The following ARMC2 variants were observed in gnomAD, a reference collection of about 807,000 sequenced individuals.
ARMC2 encodes the protein armadillo repeat containing 2.
In ARMC2, 67 loss-of-function variants were observed where a neutral mutation model predicts 90.3. The observed-to-expected ratio is 0.74, with a 90% CI of 0.61 to 0.91. ARMC2 has a LOEUF of 0.91. Among genes scored for constraint, ARMC2 ranks in the 40% least tolerant of loss-of-function variants. The pLI is 0.00. For synonymous variants in ARMC2, 393 were observed against 393.0 expected (o/e 1.00, Z 0.00); for missense variants, 920 against 1,030.9 (o/e 0.89, Z 1.47).
intron 5 of ARMC2, among the ~76,000 whole-genome samples, chr6:108,890,223 A>AAAAAAAAAAAAAC (rs1770861228): frequency 8.3e-6 from 1 of 120,640 alleles, no homozygotes; most frequent in African/African-American, 3.2e-5. Context: ...AAAAAAAAAA[A>AAAAAAAAAAAAAC]AAAAAACAGT....
chr6:108,962,688 T>G (rs1338170234), intron 15 of ARMC2, among the ~76,000 whole-genome samples: 2 of 152,228 alleles, frequency 1.3e-5, no homozygotes, highest in Non-Finnish European at 2.9e-5. Flanking sequence ...AAATAGTAAT[T>G]GGAAATAGTA....
At chr6:108,855,718 C>T (rs1774514191) in intron 2 of ARMC2, among the ~76,000 whole-genome samples, 1 of 152,224 alleles carries the variant, frequency 6.6e-6, no homozygotes, top group Admixed American at 6.5e-5. Context: ...ACATCCTAGC[C>T]AGCATTGACA....
chr6:108,958,661 G>A lies in ARMC2; in HGVS notation c.1916-2911G>A, dbSNP rs551761913. On this transcript the variant is annotated intron_variant, in intron 13 of 17. Transcript: ENST00000392644. ...TCTGGGGCTGGAGGAAACTAGGGCT[G>A]TAGGCCCTTTGCCCAAGAGTTAGAC... Among the ~76,000 whole-genome samples the A allele has an allele frequency of 3.3e-5, 5 of 152,326 alleles. No homozygotes were observed. In the East Asian group the frequency reaches 9.6e-4, roughly 29 times the overall value.
the ARMC2 span, among the ~76,000 whole-genome samples, chr6:109,006,219 G>A: frequency 3.3e-5 from 5 of 152,120 alleles, no homozygotes; most frequent in African/African-American, 1.2e-4. Flanking sequence ...AAGAGTCTTA[G>A]ATTAATCCTT....
the ARMC2 span, among the ~76,000 whole-genome samples, chr6:108,979,858 C>T: frequency 6.6e-6 from 1 of 151,692 alleles, no homozygotes; most frequent in African/African-American, 2.4e-5. Flanking sequence ...CGTTCATGTT[C>T]TTCTATAAAC....
the ARMC2 span, among the ~76,000 whole-genome samples, chr6:108,990,057 A>AT: frequency 6.6e-6 from 1 of 152,210 alleles, no homozygotes; most frequent in Non-Finnish European, 1.5e-5. Context: ...AGAAAGCCTG[A>AT]TTTTACAGCA....
At chr6:108,887,825 A>C (rs530008056) in intron 5 of ARMC2, among the ~76,000 whole-genome samples, 1 of 152,334 alleles carries the variant, frequency 6.6e-6, no homozygotes, top group Admixed American at 6.5e-5. Flanking sequence ...TGGAACAGGA[A>C]ACTAGGAAGA....
At chr6:109,009,239 G>T in the ARMC2 span, 1 of 987,426 alleles carries the variant, frequency 1.0e-6, no homozygotes, top group Non-Finnish European at 1.3e-6. Flanking sequence ...GAGCGTTTTC[G>T]GATGCTGACC....
the ARMC2 span, among the ~76,000 whole-genome samples, chr6:109,016,574 G>A: frequency 4.4e-4 from 67 of 152,214 alleles, no homozygotes; most frequent in Middle Eastern, 3.4e-3. Context: ...ATAAAATGCT[G>A]TTCACTGAAC....
At chr6:109,046,734 C>T in the ARMC2 span, among the ~76,000 whole-genome samples, 6 of 137,946 alleles carry the variant, frequency 4.3e-5, no homozygotes, top group Admixed American at 7.0e-5. Context: ...TCTGCCCCGC[C>T]GCCCCATCTG....
intron 3 of ARMC2, among the ~76,000 whole-genome samples, chr6:108,865,884 G>A (rs1775763232): frequency 6.6e-6 from 1 of 152,014 alleles, no homozygotes; most frequent in Non-Finnish European, 1.5e-5. Context: ...GGGTGTGGTG[G>A]TGCATGCTTG....
At chr6:108,999,614 A>G in the ARMC2 span, among the ~76,000 whole-genome samples, 1 of 152,186 alleles carries the variant, frequency 6.6e-6, no homozygotes, top group Non-Finnish European at 1.5e-5. Context: ...TGAAATCCAA[A>G]ACACTGACAC....
At chr6:108,953,934 A>T (rs1562425085) in intron 13 of ARMC2, among the ~76,000 whole-genome samples, 1 of 152,192 alleles carries the variant, frequency 6.6e-6, no homozygotes, top group Non-Finnish European at 1.5e-5. Context: ...AGGCTGAGAA[A>T]TTCAAGATCA....
chr6:109,022,565 C>G, the ARMC2 span, among the ~76,000 whole-genome samples: 2 of 151,370 alleles, frequency 1.3e-5, no homozygotes, highest in African/African-American at 4.9e-5. Context: ...CCCACCACCA[C>G]GCCCGGCTAA....
intron 10 of ARMC2, among the ~76,000 whole-genome samples, chr6:108,926,401 T>G (rs908840415): frequency 3.9e-5 from 6 of 152,154 alleles, no homozygotes; most frequent in African/African-American, 1.4e-4. Flanking sequence ...AGCAATGGAA[T>G]TCCTAGAATG....
chr6:108,939,361 G>A (rs114730199), intron 12 of ARMC2, among the ~76,000 whole-genome samples: 5,855 of 152,196 alleles, frequency 0.038, 246 homozygotes, highest in African/African-American at 0.1. Context: ...GGAGGTGATT[G>A]GATCATGGGC....
At chr6:108,890,639 C>T (rs1230189017) in intron 5 of ARMC2, among the ~76,000 whole-genome samples, 1 of 152,142 alleles carries the variant, frequency 6.6e-6, no homozygotes, top group African/African-American at 2.4e-5. Flanking sequence ...AAAAGTTAGA[C>T]CCAGGACCCA....
chr6:108,928,842 A>G (rs1239306647), intron 11 of ARMC2, among the ~76,000 whole-genome samples: 2 of 152,128 alleles, frequency 1.3e-5, no homozygotes, highest in East Asian at 3.8e-4. Context: ...TTTTTACATA[A>G]TGATTCTTCT....
At chr6:108,998,907 C>A in the ARMC2 span, 1 of 855,494 alleles carries the variant, frequency 1.2e-6, no homozygotes, top group Non-Finnish European at 1.7e-6. Context: ...CCAGAATTTG[C>A]TAATTTTTAT....
Sources: gnomAD v4.1 joint callset for allele counts (sites outside exome capture counted in the v4.1 genomes callset) on GRCh38, gnomAD v4.1.1 for gene constraint, MANE v1.5 for transcripts, NCBI Gene and HGNC (gene_info 2026-07-23, HGNC 2026-07-21) for gene names.